The following CFAP251 variants were observed in gnomAD, a reference collection of about 807,000 sequenced individuals.
The protein encoded by CFAP251 is cilia and flagella associated protein 251, also known as cilia- and flagella-associated protein 251.
Under a neutral mutation model 126.7 loss-of-function variants are expected in CFAP251, and 93 were observed. That is an observed-to-expected ratio of 0.73 (90% confidence interval 0.62 to 0.87). The LOEUF (loss-of-function observed/expected upper bound fraction) is 0.87. CFAP251 is among the 40% of genes least tolerant of loss of function. The pLI, the probability that CFAP251 is intolerant of heterozygous loss-of-function variation, is 0.00. For missense variants in CFAP251, 1,287 were observed against 1,389.2 expected (o/e 0.93, Z 1.17); for synonymous variants, 503 against 506.9 (o/e 0.99, Z 0.10).
chr12:121,956,574 C>T (rs1881734637), intron 10 of CFAP251, among the ~76,000 whole-genome samples: 1 of 152,198 alleles, frequency 6.6e-6, no homozygotes. Flanking sequence ...CGGCTCACTG[C>T]AAGCTCCGCC....
At chr12:121,980,291 C>G (rs938360179) in intron 19 of CFAP251, among the ~76,000 whole-genome samples, 1 of 152,226 alleles carries the variant, frequency 6.6e-6, no homozygotes, top group African/African-American at 2.4e-5. Flanking sequence ...GCTTCAGCTT[C>G]CTCATCTACA....
chr12:121,998,662 G>A (rs1008596625), intron 19 of CFAP251: 8 of 150,016 alleles, frequency 5.3e-5, no homozygotes, highest in Admixed American at 4.7e-4. Flanking sequence ...ACCAAGGTGG[G>A]CAGATTGCTT....
intron 3 of CFAP251, among the ~76,000 whole-genome samples, chr12:121,926,991 C>G (rs1880444237): frequency 1.3e-5 from 2 of 152,062 alleles, no homozygotes; most frequent in Non-Finnish European, 2.9e-5. Context: ...GTAAAAAATT[C>G]AGACAACTTA....
intron 19 of CFAP251, among the ~76,000 whole-genome samples, chr12:121,983,211 G>A (rs1380677695): frequency 6.6e-6 from 1 of 151,986 alleles, no homozygotes; most frequent in African/African-American, 2.4e-5. Context: ...ACTCCAGACT[G>A]GACAGCAGAG....
At chr12:121,957,576 T>C (rs1444875674) in intron 11 of CFAP251, among the ~76,000 whole-genome samples, 6 of 151,954 alleles carry the variant, frequency 3.9e-5, no homozygotes, top group Admixed American at 6.6e-5. Context: ...TGGTGACGGG[T>C]GCCTGTAGTC....
In CFAP251 at chr12:121,999,790, AC is replaced by A. The variant is rs749566177; in HGVS notation, c.3083del (p.Pro1028GlnfsTer4). ...GAAAGCTAATCGACAAGATCAACTT[AC>A]CAGATTTCCTAAAAGTGTACCTTAA... ...TGKLIDKINL[P>X]DFLKVYLNHK... is the part of the protein sequence containing the mutation. On this transcript the variant is annotated frameshift_variant, in exon 20 of 22. Transcript: ENST00000288912. LOFTEE classifies it high-confidence loss of function. 1 of 1,614,104 alleles carries A rather than the reference AC, an allele frequency of 6.2e-7. No homozygotes were observed. The highest frequency in any genetic ancestry group is 2.2e-5 in the East Asian group (1 of 44,878).
intron 15 of CFAP251, among the ~76,000 whole-genome samples, chr12:121,962,395 C>G (rs1881971384): frequency 6.6e-6 from 1 of 152,094 alleles, no homozygotes; most frequent in Admixed American, 6.5e-5. Flanking sequence ...ACCCTGGGGC[C>G]CTGGGAAAGT....
At position 121,959,036 on chromosome 12, in the gene CFAP251, C is replaced by T. The variant is rs755654358; in HGVS notation, c.2075C>T (p.Ser692Phe). The part of the protein sequence containing the change: ...ENESPEPFKY[S>F]RTSVTHISFS... ...GAAAGCCCAGAGCCTTTCAAATATTCCAGAACCAGTGTGACTCATATAAGC... is the reference window on the plus strand; with the variant it reads ...GAAAGCCCAGAGCCTTTCAAATATTTCAGAACCAGTGTGACTCATATAAGC... The change falls in exon 13 of 22, where the codon TCC becomes TTC. Residue 692 changes from serine to phenylalanine, a missense_variant. Transcript: ENST00000288912. 9.3e-6 allele frequency: 15 copies of T among 1,613,138 alleles called. No individual in the cohort carries two copies. The South Asian group carries it at 9.9e-5, about 11-fold the overall frequency.
rs1036372467 is a variant in CFAP251, at chr12:121,972,005, C to T, written c.2772-3239C>T. 5.6e-5 allele frequency: 13 copies of T among 233,568 alleles called. No homozygotes were observed. In the South Asian group the frequency reaches 6.3e-4, roughly 11 times the overall value. The allele number at this position is 233,568 out of a possible 1,614,324, so 14.5% of individuals were successfully genotyped here. ...CATGTGAGACGTGCCTTTCACCTTC[C>T]GCCATGATTGTGAGGCCTCCCCAGC... On this transcript the variant is annotated intron_variant, in intron 17 of 21. Coordinates refer to ENST00000288912, the MANE Select transcript of CFAP251 (RefSeq NM_144668.6).
chr12:121,921,215 A>C, intron 1 of CFAP251, 71 bp from the exon 2 acceptor site: 33 of 1,395,380 alleles, frequency 2.4e-5, no homozygotes, highest in Non-Finnish European at 2.9e-5. Flanking sequence ...TTTCATCAGT[A>C]GGTTAGTGCA....
At position 121,960,532 on chromosome 12, in the gene CFAP251, T is replaced by C; in HGVS notation, c.2134-53T>C. ...CGCGCCTGGCCCATAATGATGATTC[T>C]TAATTTACTAAACGTAAAATGGGAT... On this transcript the variant is annotated intron_variant, in intron 13 of 21. Transcript: ENST00000288912. 2.5e-6 allele frequency: 4 copies of C among 1,598,326 alleles called. No individual in the cohort carries two copies. In the Admixed American group the frequency reaches 6.7e-5, roughly 27 times the overall value.
rs1333433763 is a variant in CFAP251 at position 121,949,006 on chromosome 12, C to T, written c.1214C>T (p.Thr405Ile). Reference sequence around the variant, plus strand: ...CAGAACTACGTTACTTTTAACCCAACAAATAATAAAGAATTGGTGAGCAAT... The same window carrying T: ...CAGAACTACGTTACTTTTAACCCAATAAATAATAAAGAATTGGTGAGCAAT... ...GVQNYVTFNP[T>I]NNKELVSNSK... The change falls in exon 8 of 22, where the codon ACA becomes ATA. Residue 405 changes from threonine (T) to isoleucine (I), a missense_variant. Thr to Ile is a moderately conservative substitution (Grantham distance 89). Transcript: ENST00000288912. The T allele has an allele frequency of 4.4e-6, 7 of 1,581,812 alleles. No individual in the cohort carries two copies. The highest frequency in any genetic ancestry group is 2.7e-5 in the African/African-American group (2 of 73,522).
chr12:121,932,000 C>G, intron 4 of CFAP251, 114 bp downstream of exon 4: 1 of 1,067,100 alleles, frequency 9.4e-7, no homozygotes, highest in Non-Finnish European at 1.2e-6. Context: ...TTTTCCCACT[C>G]TCCTTGGAAC....
Position 121,969,882 on chromosome 12 carries a change from C to T in CFAP251, c.2771+1713C>T, listed in dbSNP as rs1002813359. On this transcript the variant is annotated intron_variant, in intron 17 of 21. Transcript: ENST00000288912. ...AAGGCCTCTGCTTTCCAATAGCTTT[C>T]GCCTGGCCAGAGTCCAGGCTTCTGA... The T allele has an allele frequency of 1.7e-5, 17 of 985,244 alleles. No individual in the cohort carries two copies. The Admixed American group carries it at 4.3e-4, about 25-fold the overall frequency. 61.0% of individuals were successfully genotyped at this position (985,244 alleles called of 1,614,324 possible).
rs890343839 is a variant in CFAP251 at position 121,971,047 on chromosome 12, A to G, written c.2771+2878A>G. On this transcript the variant is annotated intron_variant, in intron 17 of 21. Transcript: ENST00000288912. Reference sequence around the variant, plus strand: ...AGCTGCAGGCTGTTCTCAGAGGACCAGGTGCTCTTGCTAGCCTTTCCCCTC... The same window carrying G: ...AGCTGCAGGCTGTTCTCAGAGGACCGGGTGCTCTTGCTAGCCTTTCCCCTC... 5.9e-5 allele frequency among the ~76,000 whole-genome samples: 9 copies of G among 152,228 alleles called. No individual in the cohort carries two copies. The East Asian group carries it at 1.7e-3, about 29-fold the overall frequency.
At position 121,954,207 on chromosome 12, in the gene CFAP251, C is replaced by G. The variant is rs767983403; in HGVS notation, c.1408C>G (p.Leu470Val). The stretch of plus-strand genomic sequence containing the variant: ...ACTCTCAGCCACAATGGAAGGGAAG[C>G]TGGTTGTCTGGGACATACACCGCCC... ...QILSATMEGK[L>V]VVWDIHRPPS... is the part of the protein sequence containing the mutation. The change falls in exon 10 of 22, where the codon CTG (leucine) becomes GTG (valine). Residue 470 changes from leucine to valine, a missense_variant. Coordinates refer to ENST00000288912, the MANE Select transcript of CFAP251 (RefSeq NM_144668.6). 3 of 1,614,172 alleles carry G rather than the reference C, an allele frequency of 1.9e-6. No individual in the cohort carries two copies. The highest frequency in any genetic ancestry group is 2.5e-6 in the Non-Finnish European group (3 of 1,180,024).
chr12:121,919,530 C>T (rs1328496684), intron 1 of CFAP251, among the ~76,000 whole-genome samples: 1 of 152,114 alleles, frequency 6.6e-6, no homozygotes, highest in Non-Finnish European at 1.5e-5. Context: ...TATGTTATCA[C>T]TTCTCTACAA....
intron 6 of CFAP251, 81 bp downstream of exon 6, chr12:121,942,726 G>A: frequency 7.7e-7 from 1 of 1,291,558 alleles, no homozygotes; most frequent in Non-Finnish European, 1.1e-6. Flanking sequence ...CTCTGTTCAG[G>A]CTGGGCTGTG....
intron 19 of CFAP251, among the ~76,000 whole-genome samples, chr12:121,986,649 C>G (rs1180820974): frequency 1.3e-5 from 2 of 148,686 alleles, no homozygotes; most frequent in African/African-American, 4.9e-5. Flanking sequence ...CCTGAAGTCC[C>G]AGCTACTCAG....
Sources: allele counts gnomAD v4.1 joint callset (sites outside exome capture counted in the v4.1 genomes callset), GRCh38; gene constraint gnomAD v4.1.1; transcripts MANE v1.5; gene names NCBI Gene and HGNC (gene_info 2026-07-23, HGNC 2026-07-21).